USP30: variants seen among roughly 807,000 people sequenced by gnomAD.
The protein encoded by USP30 is ubiquitin carboxyl-terminal hydrolase 30.
In USP30, 41 loss-of-function variants were observed where a neutral mutation model predicts 68.2. The ratio of observed to expected loss-of-function variants is 0.60; its 90% confidence interval spans 0.47 to 0.78. The LOEUF (loss-of-function observed/expected upper bound fraction) is 0.78. Among genes scored for constraint, USP30 ranks in the 30% least tolerant of loss-of-function variants. The pLI is 0.00. For missense variants in USP30, 522 were observed against 649.4 expected, an observed-to-expected ratio of 0.80 and a Z score of 2.13; for synonymous variants, 229 against 253.7, an observed-to-expected ratio of 0.90 and a Z score of 0.93.
intron 3 of USP30, among the ~76,000 whole-genome samples, chr12:109,041,713 C>CT: frequency 6.6e-6 from 1 of 151,928 alleles, no homozygotes; most frequent in Non-Finnish European, 1.5e-5. Flanking sequence ...TAGATGATGC[C>CT]TATTCCATGG....
chr12:109,061,174 G>A (rs2041052575), intron 3 of USP30, among the ~76,000 whole-genome samples: 1 of 152,046 alleles, frequency 6.6e-6, no homozygotes, highest in Non-Finnish European at 1.5e-5. Flanking sequence ...TTAAAGACAG[G>A]AGTATTCTTG....
At chr12:109,048,676 G>A (rs1418874961), upstream of USP30, among the ~76,000 whole-genome samples, 4 of 149,522 alleles carry the variant, frequency 2.7e-5, no homozygotes, top group African/African-American at 5.0e-5. Context: ...GGAGGTGGAG[G>A]TTGTAGTGAG....
At chr12:109,065,002 C>A (rs2041202846) in intron 3 of USP30, among the ~76,000 whole-genome samples, 1 of 152,074 alleles carries the variant, frequency 6.6e-6, no homozygotes, top group Non-Finnish European at 1.5e-5. Context: ...GATGCAGAAG[C>A]CTGGACTTTA....
At position 109,082,710 on chromosome 12, in the gene USP30, G is replaced by A; in HGVS notation, c.915G>A (p.Arg305=). ...ACGGGGAAAAGGTGGAACACCAGAG[G>A]ACCACTTTTGTTAAACAGTTAAAAC... The part of the protein sequence containing the change: ...TLNGEKVEHQ[R]TTFVKQLKLG... The change falls in exon 10 of 13, where the codon AGG becomes AGA. Residue 305 remains arginine, a synonymous_variant. Coordinates refer to ENST00000257548, the MANE Select transcript of USP30 (RefSeq NM_032663.5). The A allele has an allele frequency of 1.2e-6, 2 of 1,614,166 alleles. No homozygotes were observed. The highest frequency in any genetic ancestry group is 1.7e-6 in the Non-Finnish European group (2 of 1,180,020).
chr12:109,074,970 T>C (rs1485591508), intron 7 of USP30, among the ~76,000 whole-genome samples: 1 of 152,238 alleles, frequency 6.6e-6, no homozygotes, highest in Non-Finnish European at 1.5e-5. Flanking sequence ...AGGTGGTGTT[T>C]ATCTTTCTAT....
At chr12:109,050,603 T>G (rs970607571), upstream of USP30, among the ~76,000 whole-genome samples, 4 of 152,148 alleles carry the variant, frequency 2.6e-5, no homozygotes, top group African/African-American at 9.7e-5. Flanking sequence ...TCTTGCTGGC[T>G]CTAATGCTTT....
Position 109,070,900 on chromosome 12 carries a change from G to A in USP30, c.481-712G>A, listed in dbSNP as rs909132926. Among the ~76,000 whole-genome samples the A allele has an allele frequency of 4.6e-5, 7 of 152,218 alleles. No homozygotes were observed. The highest frequency in any genetic ancestry group is 1.0e-4 in the Non-Finnish European group (7 of 68,032). ...GAAGCAACCCAAGTGTTCATCGGCT[G>A]ATAAATAGGTAAACAAAACTTTCAT... On this transcript the variant is annotated intron_variant, in intron 4 of 12. Coordinates refer to ENST00000257548, the MANE Select transcript of USP30 (RefSeq NM_032663.5). This position sits in a 1 kb window ranked among gnomAD's most constrained non-coding sequence, Gnocchi z 4.0.
At chr12:109,055,400 A>ATATATATATATATTTTTTT (rs1298811530) in intron 1 of USP30, among the ~76,000 whole-genome samples, 1 of 24,468 alleles carries the variant, frequency 4.1e-5, no homozygotes, top group African/African-American at 1.1e-4. Context: ...ATATATATAT[A>ATATATATATATATTTTTTT]TTTTTTTTTT....
chr12:109,079,895 T>C (rs1371068284), intron 7 of USP30, among the ~76,000 whole-genome samples: 1 of 152,196 alleles, frequency 6.6e-6, no homozygotes, highest in African/African-American at 2.4e-5. Flanking sequence ...GTATTTTATG[T>C]TTGGTAATTT....
intron 7 of USP30, among the ~76,000 whole-genome samples, chr12:109,079,909 AT>A (rs533827715): frequency 1.8e-4 from 27 of 152,218 alleles, no homozygotes; most frequent in African/African-American, 6.5e-4. Context: ...GTAATTTTTT[AT>A]TGTATGCTTA....
At chr12:109,040,741 G>C (rs1236686387) in intron 3 of USP30, among the ~76,000 whole-genome samples, 1 of 152,224 alleles carries the variant, frequency 6.6e-6, no homozygotes, top group African/African-American at 2.4e-5. Context: ...TGCTGCCTGG[G>C]CATCTTCACA....
intron 3 of USP30, among the ~76,000 whole-genome samples, chr12:109,059,128 C>G (rs1365510636): frequency 2.0e-5 from 3 of 152,122 alleles, no homozygotes; most frequent in African/African-American, 7.2e-5. Context: ...ATGGTAGCCC[C>G]CAACTTGGAG....
chr12:109,073,455 T>C lies in USP30; in HGVS notation c.643T>C (p.Ser215Pro). 3.7e-6 allele frequency: 6 copies of C among 1,614,072 alleles called. No individual in the cohort carries two copies. Among genetic ancestry groups the C allele is most frequent in the Non-Finnish European group, 5.1e-6 (6 of 1,179,928 alleles). The change falls in exon 7 of 13, where the codon TCC becomes CCC. Residue 215 changes from serine to proline, a missense_variant. Physicochemically the swap from Ser to Pro is moderately conservative, Grantham distance 74 (BLOSUM62 -1). Transcript: ENST00000257548. ...CATTCCAGGGTCACCTCACCCTACA[T>C]CCAATCACTGGAAGTCTCAACATCC... ...CRTRGSPHPT[S>P]NHWKSQHPFH...
intron 3 of USP30, among the ~76,000 whole-genome samples, chr12:109,061,944 T>TTTTTG (rs1490731522): frequency 6.6e-6 from 1 of 152,068 alleles, no homozygotes; most frequent in Non-Finnish European, 1.5e-5. Context: ...TTCTGTTTTG[T>TTTTTG]TTTTGTTTTG....
In USP30 at chr12:109,073,480, C is replaced by A; in HGVS notation, c.668C>A (p.Pro223His). ...TCCAATCACTGGAAGTCTCAACATC[C>A]TTTTCATGGAAGACTCACTAGTAAT... is the stretch of plus-strand genomic sequence containing the variant. Reference protein sequence around the residue: ...PTSNHWKSQHPFHGRLTSNMV... With the variant: ...PTSNHWKSQHHFHGRLTSNMV... The change falls in exon 7 of 13, where the codon CCT becomes CAT. Residue 223 changes from proline to histidine, a missense_variant. Transcript: ENST00000257548. The A allele has an allele frequency of 6.2e-7, 1 of 1,614,100 alleles. No individual in the cohort carries two copies. Among genetic ancestry groups the A allele is most frequent in the Non-Finnish European group, 8.5e-7 (1 of 1,179,916 alleles).
At chr12:109,071,853 T>A in intron 5 of USP30, 143 bp downstream of exon 5, 1 of 717,274 alleles carries the variant, frequency 1.4e-6, no homozygotes, top group Non-Finnish European at 2.3e-6. Flanking sequence ...GGGAGGGTCT[T>A]AAAACTACAT....
At chr12:109,034,829 T>C (rs1181532150) in intron 3 of USP30, among the ~76,000 whole-genome samples, 1 of 152,206 alleles carries the variant, frequency 6.6e-6, no homozygotes, top group Non-Finnish European at 1.5e-5. Flanking sequence ...TGATTACAAT[T>C]GTTTTATCTT....
At chr12:109,071,777 A>C in intron 5 of USP30, 67 bp downstream of exon 5, 1 of 1,390,214 alleles carries the variant, frequency 7.2e-7, no homozygotes. Flanking sequence ...TAGGGGAGGC[A>C]AGTGTAATCT....
At chr12:109,053,146 A>G (rs1016531387) in intron 1 of USP30, among the ~76,000 whole-genome samples, 13 of 151,798 alleles carry the variant, frequency 8.6e-5, no homozygotes, top group African/African-American at 9.7e-5. Context: ...GGGTCCCCCA[A>G]TCATATCAGT....
Sources: gnomAD v4.1 joint callset for allele counts (sites outside exome capture counted in the v4.1 genomes callset) on GRCh38, gnomAD v4.1.1 for gene constraint, Gnocchi (gnomAD v3.1) non-coding constraint, MANE v1.5 for transcripts, NCBI Gene and HGNC (gene_info 2026-07-23, HGNC 2026-07-21) for gene names.